Variants in RFTN1 observed in about 807,000 individuals in gnomAD.
The protein encoded by RFTN1 is raftlin.
A neutral mutation model predicts 46.5 loss-of-function variants in RFTN1; 26 were observed. The ratio of observed to expected loss-of-function variants is 0.56; its 90% CI spans 0.41 to 0.78. The LOEUF (loss-of-function observed/expected upper bound fraction) is 0.78, where lower values mean the gene tolerates loss of function less well. Among genes scored for constraint, RFTN1 ranks in the 30% least tolerant of loss-of-function variants. The pLI is 0.00. For missense variants in RFTN1, 693 were observed against 718.7 expected (o/e 0.96, Z 0.41); for synonymous variants, 261 against 284.2 (o/e 0.92, Z 0.82).
At position 16,351,308 on chromosome 3, in the gene RFTN1, C is replaced by T. The variant is rs2125319503; in HGVS notation, c.1146+6624G>A. Among the ~76,000 whole-genome samples the T allele has an allele frequency of 6.6e-6, 1 of 152,248 alleles. No homozygotes were observed. Among genetic ancestry groups the T allele is most frequent in the Admixed American group, 6.5e-5 (1 of 15,300 alleles). ...TGCCATTGAGACCAGTCAGGAGCCT[C>T]CATACATATGAAGCCTTCAGGGAAG... is the stretch of plus-strand genomic sequence containing the variant. On this transcript the variant is annotated intron_variant, in intron 7 of 9. Coordinates refer to ENST00000334133, the MANE Select transcript of RFTN1 (RefSeq NM_015150.2). The surrounding 1 kb of genome is among the most constrained non-coding windows in gnomAD (Gnocchi z 5.4).
intron 1 of RFTN1, among the ~76,000 whole-genome samples, chr3:16,495,116 G>C (rs1394962893): frequency 6.6e-6 from 1 of 152,164 alleles, no homozygotes; most frequent in African/African-American, 2.4e-5. Flanking sequence ...GAACAGGAAG[G>C]CTTACTTATG....
At chr3:16,455,625 T>C (rs1356128086) in intron 2 of RFTN1, among the ~76,000 whole-genome samples, 3 of 152,156 alleles carry the variant, frequency 2.0e-5, no homozygotes, top group African/African-American at 7.2e-5. Flanking sequence ...GCCCAGTATA[T>C]TGGTGTTGGG....
Position 16,329,195 on chromosome 3 carries a change from G to A in RFTN1, c.1147-2319C>T, listed in dbSNP as rs944040078. Among the ~76,000 whole-genome samples the A allele has an allele frequency of 1.3e-5, 2 of 152,240 alleles. No homozygotes were observed. The highest frequency in any genetic ancestry group is 2.4e-5 in the African/African-American group (1 of 41,462). On this transcript the variant is annotated intron_variant, in intron 7 of 9. Transcript: ENST00000334133. This position sits in a 1 kb window ranked among gnomAD's most constrained non-coding sequence, Gnocchi z 4.5. ...CTTCCGCCTCGGGATGACGCAGCAAGAAGGCCCTCACAAGATGCCAGGCCC... is the reference window on the plus strand; with the variant it reads ...CTTCCGCCTCGGGATGACGCAGCAAAAAGGCCCTCACAAGATGCCAGGCCC...
Position 16,384,199 on chromosome 3 carries a change from A to C in RFTN1, c.442-6097T>G, listed in dbSNP as rs1575193129. On this transcript the variant is annotated intron_variant, in intron 4 of 9. Transcript: ENST00000334133. The surrounding 1 kb of genome is among the most constrained non-coding windows in gnomAD (Gnocchi z 4.7). ...CTCAAAGACTGCAACACCAGTCCTT[A>C]CCTGAATGTCCAGTCTGCTGGACTG... Among the ~76,000 whole-genome samples, 1 of 152,166 alleles carries C rather than the reference A, an allele frequency of 6.6e-6. No individual in the cohort carries two copies. The highest frequency in any genetic ancestry group is 2.4e-5 in the African/African-American group (1 of 41,436).
intron 1 of RFTN1, among the ~76,000 whole-genome samples, chr3:16,494,429 C>G (rs2076592224): frequency 6.6e-6 from 1 of 152,062 alleles, no homozygotes; most frequent in Admixed American, 6.6e-5. Flanking sequence ...TTTTATGGGC[C>G]TTGTCTGAAA....
At chr3:16,412,561 G>T (rs957276329) in intron 3 of RFTN1, among the ~76,000 whole-genome samples, 1 of 152,226 alleles carries the variant, frequency 6.6e-6, no homozygotes, top group Non-Finnish European at 1.5e-5. Flanking sequence ...GTGGTGGGGA[G>T]ACCATGGTTG....
rs1001760264 is a variant in RFTN1 at position 16,371,398 on chromosome 3, TAAAC to T, written c.827-1123_827-1120del. Among the ~76,000 whole-genome samples the T allele has an allele frequency of 2.6e-5, 4 of 151,996 alleles. No individual in the cohort carries two copies. The East Asian group carries it at 5.8e-4, about 22-fold the overall frequency. ...TTTAATTGACTCACTTTCCTTTATT[TAAAC>T]AAACACATTTTTTTAGAAAAAGGAA... is the stretch of plus-strand genomic sequence containing the variant. On this transcript the variant is annotated intron_variant, in intron 5 of 9. Transcript: ENST00000334133.
intron 7 of RFTN1, among the ~76,000 whole-genome samples, chr3:16,331,984 C>T (rs924886767): frequency 2.6e-5 from 4 of 152,310 alleles, no homozygotes; most frequent in Middle Eastern, 3.4e-3. Flanking sequence ...ATAATCTATT[C>T]TGATTACTAA....
chr3:16,502,424 A>T (rs1406756516), intron 1 of RFTN1, among the ~76,000 whole-genome samples: 1 of 151,864 alleles, frequency 6.6e-6, no homozygotes, highest in Non-Finnish European at 1.5e-5. Context: ...AAAAGAAAAC[A>T]ATAAGGATAT....
intron 7 of RFTN1, among the ~76,000 whole-genome samples, chr3:16,350,621 T>C (rs2072035776): frequency 6.6e-6 from 1 of 152,110 alleles, no homozygotes; most frequent in South Asian, 2.1e-4. Flanking sequence ...GCTGCTAAAG[T>C]AGATCTGAGG....
chr3:16,354,414 A>G (rs1036776261), intron 7 of RFTN1, among the ~76,000 whole-genome samples: 12 of 152,236 alleles, frequency 7.9e-5, no homozygotes, highest in African/African-American at 2.9e-4. Context: ...AGGCTGCGTT[A>G]GCCTGACTGC....
chr3:16,437,587 A>T (rs988257483), intron 2 of RFTN1, among the ~76,000 whole-genome samples: 1 of 152,068 alleles, frequency 6.6e-6, no homozygotes, highest in African/African-American at 2.4e-5. Flanking sequence ...TTGAGCCCAG[A>T]GAGGTCAAGG....
At chr3:16,323,078 G>A (rs575388179) in intron 9 of RFTN1, among the ~76,000 whole-genome samples, 15 of 152,268 alleles carry the variant, frequency 9.9e-5, no homozygotes, top group Middle Eastern at 3.4e-3. Context: ...AGCTGACTTC[G>A]TGCCCTTCTT....
At position 16,428,590 on chromosome 3, in the gene RFTN1, G is replaced by A. The variant is rs2075328129; in HGVS notation, c.332+5261C>T. Among the ~76,000 whole-genome samples, 1 of 152,118 alleles carries A rather than the reference G, an allele frequency of 6.6e-6. No individual in the cohort carries two copies. The highest frequency in any genetic ancestry group is 2.4e-5 in the African/African-American group (1 of 41,424). The stretch of plus-strand genomic sequence containing the variant: ...AAGGTGCCTGATAAATGTCCACAGA[G>A]CTCCCTAGTATGCTGGTCCCTGTAC... On this transcript the variant is annotated intron_variant, in intron 3 of 9. Transcript: ENST00000334133. This position sits in a 1 kb window ranked among gnomAD's most constrained non-coding sequence, Gnocchi z 4.7.
chr3:16,326,668 C>G, intron 8 of RFTN1, 105 bp downstream of exon 8: 1 of 848,004 alleles, frequency 1.2e-6, no homozygotes, highest in Non-Finnish European at 1.8e-6. Context: ...CTACCAGCCT[C>G]TTGCACAGGA....
At position 16,493,711 on chromosome 3, in the gene RFTN1, C is replaced by A; in HGVS notation, c.145+14G>T. 1 of 1,612,180 alleles carries A rather than the reference C, an allele frequency of 6.2e-7. No individual in the cohort carries two copies. Among genetic ancestry groups the A allele is most frequent in the Non-Finnish European group, 8.5e-7 (1 of 1,179,234 alleles). On this transcript the variant is annotated intron_variant, in intron 2 of 9. Coordinates refer to ENST00000334133, the MANE Select transcript of RFTN1 (RefSeq NM_015150.2). ...CCCCACCTGCCCCCATCCATTCCCACCCCATGTACTCACCAGCACTCAGAG... is the reference window on the plus strand; with the variant it reads ...CCCCACCTGCCCCCATCCATTCCCAACCCATGTACTCACCAGCACTCAGAG...
At chr3:16,367,657 G>T (rs1050764442) in intron 6 of RFTN1, among the ~76,000 whole-genome samples, 1 of 148,632 alleles carries the variant, frequency 6.7e-6, no homozygotes, top group Non-Finnish European at 1.5e-5. Context: ...AAAGCCAAGG[G>T]AGGCTATAAC....
rs746203448 is a variant in RFTN1, at chr3:16,484,336, T to C, written c.145+9389A>G. ...AGAAAAACTGGACCTGTAGAAAACT[T>C]ATTGCGCAATGTGCATGTCTTGAAT... On this transcript the variant is annotated intron_variant, in intron 2 of 9. Transcript: ENST00000334133. The surrounding 1 kb of genome is among the most constrained non-coding windows in gnomAD (Gnocchi z 4.6). Among the ~76,000 whole-genome samples, 1 of 152,172 alleles carries C rather than the reference T, an allele frequency of 6.6e-6. No homozygotes were observed. Among genetic ancestry groups the C allele is most frequent in the Non-Finnish European group, 1.5e-5 (1 of 68,026 alleles).
Position 16,465,601 on chromosome 3 carries a change from T to C in RFTN1, c.145+28124A>G, listed in dbSNP as rs1370823171. 2.6e-5 allele frequency among the ~76,000 whole-genome samples: 4 copies of C among 152,256 alleles called. No individual in the cohort carries two copies. The highest frequency in any genetic ancestry group is 4.4e-5 in the Non-Finnish European group (3 of 68,046). ...GGTAATTTGCTTCTTTTTAATAGTT[T>C]GTACAATCTGATGAGTGGTGCAATT... On this transcript the variant is annotated intron_variant, in intron 2 of 9. Transcript: ENST00000334133. This position sits in a 1 kb window ranked among gnomAD's most constrained non-coding sequence, Gnocchi z 5.1.
Sources: gnomAD v4.1 joint callset for allele counts (sites outside exome capture counted in the v4.1 genomes callset) on GRCh38, gnomAD v4.1.1 for gene constraint, Gnocchi (gnomAD v3.1) non-coding constraint, MANE v1.5 for transcripts, NCBI Gene and HGNC (gene_info 2026-07-23, HGNC 2026-07-21) for gene names.